Variants in LDAH observed in about 807,000 individuals in gnomAD.
LDAH encodes lipid droplet associated hydrolase, also known as lipid droplet-associated hydrolase.
A neutral mutation model predicts 29.6 loss-of-function variants in LDAH; 26 were observed. The ratio of observed to expected loss-of-function variants is 0.88; its 90% CI spans 0.64 to 1.22. The LOEUF (loss-of-function observed/expected upper bound fraction) is 1.22. LDAH is among the 50% of genes most tolerant of loss of function. The pLI, the probability that LDAH is intolerant of heterozygous loss-of-function variation, is 0.00. For missense variants in LDAH, 344 were observed against 387.3 expected (o/e 0.89, Z 0.94); for synonymous variants, 117 against 133.0 (o/e 0.88, Z 0.83).
At chr2:20,738,755 G>A (rs923756961) in intron 5 of LDAH, among the ~76,000 whole-genome samples, 1 of 125,464 alleles carries the variant, frequency 8.0e-6, no homozygotes, top group Non-Finnish European at 1.8e-5. Flanking sequence ...AAAATGGAAG[G>A]GGGAAAAAAT....
At chr2:20,729,698 G>A (rs907154502) in intron 5 of LDAH, among the ~76,000 whole-genome samples, 2 of 152,192 alleles carry the variant, frequency 1.3e-5, no homozygotes, top group Non-Finnish European at 2.9e-5. Context: ...ACATGCAGGT[G>A]TAACAAATAA....
Position 20,780,703 on chromosome 2 carries a change from C to T in LDAH, c.299-5724G>A, listed in dbSNP as rs186810380. On this transcript the variant is annotated intron_variant, in intron 3 of 6. Transcript: ENST00000237822. ...TGTGTTATGGACGTTAACTGCAATG[C>T]TCACTCTCCCTACTTCTGTCTGCCC... Among the ~76,000 whole-genome samples the T allele has an allele frequency of 6.3e-4, 96 of 152,298 alleles. 1 individual carries two copies. The highest frequency in any genetic ancestry group is 6.8e-3 in the Middle Eastern group (2 of 294).
chr2:20,731,541 C>G (rs1280656548), intron 5 of LDAH, among the ~76,000 whole-genome samples: 1 of 152,114 alleles, frequency 6.6e-6, no homozygotes, highest in Admixed American at 6.5e-5. Context: ...TACATGTTTA[C>G]TATGTTGAGT....
intron 5 of LDAH, 69 bp from the exon 6 acceptor site, chr2:20,701,721 T>C (rs879087357): frequency 1.4e-6 from 2 of 1,396,960 alleles, no homozygotes; most frequent in South Asian, 2.3e-5. Context: ...AAATTAATTT[T>C]AGTAAATTCA....
At chr2:20,688,432 G>A (rs1043607525) in intron 6 of LDAH, among the ~76,000 whole-genome samples, 8 of 152,134 alleles carry the variant, frequency 5.3e-5, no homozygotes, top group South Asian at 2.1e-4. Context: ...AGGAGGTTGC[G>A]CTTTATCCCG....
At chr2:20,768,528 C>T (rs904235767) in intron 4 of LDAH, among the ~76,000 whole-genome samples, 1 of 138,358 alleles carries the variant, frequency 7.2e-6, no homozygotes, top group Non-Finnish European at 1.7e-5. Context: ...CTCACACACA[C>T]CCCTCATCAC....
intron 4 of LDAH, among the ~76,000 whole-genome samples, chr2:20,756,848 A>G (rs1668377331): frequency 6.6e-6 from 1 of 152,250 alleles, no homozygotes; most frequent in African/African-American, 2.4e-5. Context: ...AAGGAATATC[A>G]TCAGAAAATA....
chr2:20,746,348 C>G (rs766762127), intron 4 of LDAH, among the ~76,000 whole-genome samples: 1 of 152,122 alleles, frequency 6.6e-6, no homozygotes, highest in Non-Finnish European at 1.5e-5. Context: ...AATATATAAG[C>G]AACCACAGGG....
intron 2 of LDAH, among the ~76,000 whole-genome samples, chr2:20,793,197 TAA>T (rs1369432958): frequency 6.6e-6 from 1 of 151,852 alleles, no homozygotes; most frequent in Non-Finnish European, 1.5e-5. Context: ...ATACAACACA[TAA>T]CTAAATAGGT....
intron 4 of LDAH, among the ~76,000 whole-genome samples, chr2:20,755,707 C>T (rs537201025): frequency 7.9e-5 from 12 of 152,244 alleles, no homozygotes; most frequent in African/African-American, 2.6e-4. Flanking sequence ...GGCTCCTGAT[C>T]TGGAGACACA....
intron 1 of LDAH, among the ~76,000 whole-genome samples, chr2:20,810,297 G>T (rs879814357): frequency 3.3e-5 from 5 of 152,178 alleles, no homozygotes; most frequent in African/African-American, 1.2e-4. Flanking sequence ...TGCCAATATG[G>T]GCTACTTAAG....
At chr2:20,701,770 G>C in intron 5 of LDAH, 118 bp from the exon 6 acceptor site, 1 of 819,582 alleles carries the variant, frequency 1.2e-6, no homozygotes, top group Non-Finnish European at 2.0e-6. Flanking sequence ...TCTGATGAGA[G>C]ATACTGGTGA....
At chr2:20,736,443 A>G (rs1220799016) in intron 5 of LDAH, among the ~76,000 whole-genome samples, 3 of 152,122 alleles carry the variant, frequency 2.0e-5, no homozygotes, top group Admixed American at 2.0e-4. Context: ...CTCTGTCTCA[A>G]AAAATATATA....
chr2:20,792,484 T>A (rs1354284070), intron 2 of LDAH, among the ~76,000 whole-genome samples: 3 of 152,076 alleles, frequency 2.0e-5, no homozygotes, highest in Non-Finnish European at 4.4e-5. Context: ...CAAAAGAAAA[T>A]CATAATACTG....
intron 4 of LDAH, among the ~76,000 whole-genome samples, chr2:20,753,980 A>G (rs1363917420): frequency 6.6e-6 from 1 of 152,216 alleles, no homozygotes; most frequent in Non-Finnish European, 1.5e-5. Context: ...AATTAAACAT[A>G]CATAAGAAGG....
chr2:20,740,022 T>G lies in LDAH; in HGVS notation c.652A>C (p.Asn218His). ...LLIRRGLQVM[N>H]LENEFSPLNI... Reference sequence around the variant, plus strand: ...AATGGTGAAAATTCATTCTCTAGGTTCATTACTTGAAGGCCCCTTCTGATT... The same window carrying G: ...AATGGTGAAAATTCATTCTCTAGGTGCATTACTTGAAGGCCCCTTCTGATT... The change falls in exon 5 of 7, where the codon AAC becomes CAC. Residue 218 changes from asparagine to histidine, a missense_variant. Transcript: ENST00000237822. 2 of 1,614,132 alleles carry G rather than the reference T, an allele frequency of 1.2e-6. No homozygotes were observed. The highest frequency in any genetic ancestry group is 1.7e-6 in the Non-Finnish European group (2 of 1,179,996).
intron 4 of LDAH, among the ~76,000 whole-genome samples, chr2:20,774,609 C>A (rs1669665393): frequency 6.6e-6 from 1 of 152,194 alleles, no homozygotes; most frequent in South Asian, 2.1e-4. Flanking sequence ...TCTCCCTCAG[C>A]ATTATTCTTT....
intron 5 of LDAH, among the ~76,000 whole-genome samples, chr2:20,730,299 A>G (rs1347705807): frequency 1.3e-5 from 2 of 152,172 alleles, no homozygotes; most frequent in East Asian, 1.9e-4. Flanking sequence ...TTCTCTGAAC[A>G]CCAGTTTTCA....
At chr2:20,710,471 A>C (rs1388527505) in intron 5 of LDAH, among the ~76,000 whole-genome samples, 2 of 151,552 alleles carry the variant, frequency 1.3e-5, no homozygotes, top group African/African-American at 2.4e-5. Context: ...CCCCAGGCCA[A>C]GATGATTTCA....
Sources: allele counts gnomAD v4.1 joint callset (sites outside exome capture counted in the v4.1 genomes callset), GRCh38; gene constraint gnomAD v4.1.1; transcripts MANE v1.5; gene names NCBI Gene and HGNC (gene_info 2026-07-23, HGNC 2026-07-21).